ASB2: variants seen among roughly 807,000 people sequenced by gnomAD.
ASB2 encodes the protein ankyrin repeat and SOCS box containing 2.
A neutral mutation model predicts 62.4 loss-of-function variants in ASB2; 58 were observed. The ratio of observed to expected loss-of-function variants is 0.93; its 90% CI spans 0.75 to 1.16. The LOEUF is 1.16. Ranked by LOEUF, ASB2 falls within the 50% of genes most tolerant of loss-of-function variation. The pLI is 0.00. For missense variants in ASB2, 928 were observed against 887.9 expected (o/e 1.05, Z -0.57); for synonymous variants, 386 against 385.3 (o/e 1.00, Z -0.02).
At chr14:93,962,956 G>C (rs1449314581) in intron 2 of ASB2, among the ~76,000 whole-genome samples, 1 of 152,238 alleles carries the variant, frequency 6.6e-6, no homozygotes, top group Non-Finnish European at 1.5e-5. Context: ...TTGGGTTTCA[G>C]AATGGAACGT....
intron 1 of ASB2, among the ~76,000 whole-genome samples, chr14:93,973,752 C>A (rs1323206832): frequency 6.6e-6 from 1 of 151,550 alleles, no homozygotes; most frequent in African/African-American, 2.5e-5. Flanking sequence ...CACAGGATTC[C>A]AGGCCCCTGA....
At chr14:93,969,249 A>G (rs1376570663) in intron 1 of ASB2, among the ~76,000 whole-genome samples, 2 of 152,128 alleles carry the variant, frequency 1.3e-5, no homozygotes, top group East Asian at 1.9e-4. Flanking sequence ...GGCTGGTGAC[A>G]GCTGTCAGGG....
intron 7 of ASB2, chr14:93,941,676 A>G (rs1291696371): frequency 2.2e-6 from 1 of 456,014 alleles, no homozygotes; most frequent in East Asian, 6.9e-5. Flanking sequence ...TAACGTGCCC[A>G]AGAACGGGAA....
At chr14:93,940,330 A>C (rs565099282) in intron 7 of ASB2, 2 of 152,260 alleles carry the variant, frequency 1.3e-5, no homozygotes, top group Admixed American at 6.5e-5. Context: ...CCCATTTTGC[A>C]GATGAGAAGA....
At chr14:93,967,203 A>G (rs1889620383) in intron 1 of ASB2, among the ~76,000 whole-genome samples, 3 of 151,886 alleles carry the variant, frequency 2.0e-5, no homozygotes, top group Admixed American at 2.0e-4. Flanking sequence ...TGGAGCCCCC[A>G]TCTCCAGCTG....
At chr14:93,940,737 G>A (rs542290721) in intron 7 of ASB2, among the ~76,000 whole-genome samples, 12 of 152,288 alleles carry the variant, frequency 7.9e-5, no homozygotes, top group African/African-American at 2.2e-4. Context: ...CCTAAAACAC[G>A]AGCACTGATC....
intron 6 of ASB2, among the ~76,000 whole-genome samples, chr14:93,950,747 GGTGGTCC>G (rs1888921937): frequency 6.6e-6 from 1 of 152,158 alleles, no homozygotes; most frequent in South Asian, 2.1e-4. Flanking sequence ...ATGGCAAATA[GGTGGTCC>G]GTGGGCCAGA....
intron 1 of ASB2, chr14:93,974,205 C>T (rs1018716230): frequency 2.0e-5 from 3 of 152,204 alleles, no homozygotes; most frequent in African/African-American, 7.2e-5. Flanking sequence ...TTCCTCTCTC[C>T]TTTTTTACTC....
intron 6 of ASB2, among the ~76,000 whole-genome samples, chr14:93,948,712 C>T (rs1888835150): frequency 6.6e-6 from 1 of 151,314 alleles, no homozygotes; most frequent in Admixed American, 6.5e-5. Flanking sequence ...GCGGGCAGAT[C>T]ACTTGAGCTC....
intron 7 of ASB2, among the ~76,000 whole-genome samples, chr14:93,941,863 A>C (rs967281802): frequency 6.6e-6 from 1 of 152,268 alleles, no homozygotes; most frequent in African/African-American, 2.4e-5. Flanking sequence ...GACTCTGCCA[A>C]TCAGAAAGTG....
At chr14:93,969,449 C>G (rs1275309165) in intron 1 of ASB2, among the ~76,000 whole-genome samples, 1 of 152,224 alleles carries the variant, frequency 6.6e-6, no homozygotes, top group Admixed American at 6.5e-5. Context: ...GCACCTATCT[C>G]TTGGGAGAGG....
intron 1 of ASB2, among the ~76,000 whole-genome samples, chr14:93,968,549 T>G (rs1457841931): frequency 6.6e-6 from 1 of 152,150 alleles, no homozygotes; most frequent in Admixed American, 6.5e-5. Context: ...GACACACACA[T>G]GGGTTTGGAG....
rs892349481 is a variant in ASB2, at chr14:93,939,584, G to C, written c.1141C>G (p.His381Asp). Residue 381 changes from histidine to aspartate, a missense_variant, in exon 8 of 10, where the codon CAC becomes GAC. His to Asp is a moderately conservative substitution (Grantham distance 81). Transcript: ENST00000555019. ...AGCAGCGCCTCCAGCACCTCGTCGT[G>C]GTTGCGCTCGGCCGCCAGGTGCAGC... ...SPLHLAAERNHDEVLEALLSA... is the reference protein window; with the variant it reads ...SPLHLAAERNDDEVLEALLSA... 2.5e-6 allele frequency: 4 copies of C among 1,577,204 alleles called. No homozygotes were observed. The African/African-American group carries it at 4.1e-5, about 16-fold the overall frequency.
rs942181412 is a variant in ASB2 at position 93,936,943 on chromosome 14, A to G, written c.1771+755T>C. ...TGAGCTCCAAAAATGCCTAAGAGGG[A>G]TTCTGGCTTCCTCAGCCTGACTTAG... On this transcript the variant is annotated intron_variant, in intron 9 of 9. Coordinates refer to ENST00000555019, the MANE Select transcript of ASB2 (RefSeq NM_001202429.2). Among the ~76,000 whole-genome samples, 5 of 152,312 alleles carry G rather than the reference A, an allele frequency of 3.3e-5. No homozygotes were observed. In the East Asian group the frequency reaches 7.7e-4, roughly 23 times the overall value.
chr14:93,940,991 C>G (rs539242766), intron 7 of ASB2, among the ~76,000 whole-genome samples: 1 of 152,186 alleles, frequency 6.6e-6, no homozygotes, highest in African/African-American at 2.4e-5. Context: ...TAATATATCC[C>G]GGGGTTTTGC....
At chr14:93,949,059 A>C (rs1888847448) in intron 6 of ASB2, among the ~76,000 whole-genome samples, 1 of 152,242 alleles carries the variant, frequency 6.6e-6, no homozygotes, top group Non-Finnish European at 1.5e-5. Flanking sequence ...CTCCTCGGGC[A>C]GGGGGTGAGG....
intron 8 of ASB2, 46 bp from the exon 9 acceptor site, chr14:93,937,897 G>C (rs375541622): frequency 1.3e-6 from 2 of 1,552,580 alleles, no homozygotes; most frequent in African/African-American, 2.7e-5. Flanking sequence ...CATCCCACCT[G>C]CAAGAGCCTG....
Position 93,939,465 on chromosome 14 carries a change from G to A in ASB2, c.1260C>T (p.Val420=). 6.2e-7 allele frequency: 1 copy of A among 1,612,404 alleles called. No homozygotes were observed. The highest frequency in any genetic ancestry group is 8.5e-7 in the Non-Finnish European group (1 of 1,179,736). The change falls in exon 8 of 10, where the codon GTC becomes GTT. Residue 420 remains valine (V), a synonymous_variant. Transcript: ENST00000555019. ...RRSSALYFAV[V]NNNVYATELL... is the part of the protein sequence containing the mutation. ...GCTCGGTGGCGTACACGTTGTTGTT[G>A]ACCACCGCGAAGTACAGCGCGGAGC... is the stretch of plus-strand genomic sequence containing the variant.
intron 3 of ASB2, among the ~76,000 whole-genome samples, 150 bp downstream of exon 3, chr14:93,956,613 CAGG>C (rs1889217234): frequency 6.6e-6 from 1 of 152,200 alleles, no homozygotes; most frequent in Non-Finnish European, 1.5e-5. Context: ...AGTGGGGCCC[CAGG>C]GGGGCACCCC....
Sources: allele counts gnomAD v4.1 joint callset (sites outside exome capture counted in the v4.1 genomes callset), GRCh38; gene constraint gnomAD v4.1.1; transcripts MANE v1.5; gene names NCBI Gene and HGNC (gene_info 2026-07-23, HGNC 2026-07-21).